Variants in LDB3 observed in about 807,000 individuals in gnomAD.
LDB3 encodes the protein LIM domain binding 3.
In LDB3, 49 loss-of-function variants were observed where a neutral mutation model predicts 69.0. The observed-to-expected ratio is 0.71, with a 90% CI of 0.56 to 0.90. The LOEUF is 0.90. Among genes scored for constraint, LDB3 ranks in the 40% least tolerant of loss-of-function variants. The pLI is 0.00. For synonymous variants in LDB3, 387 were observed against 396.2 expected (o/e 0.98, Z 0.28); for missense variants, 928 against 974.1 (o/e 0.95, Z 0.63).
At chr10:86,692,914 GC>G (rs1259254628) in intron 7 of LDB3, among the ~76,000 whole-genome samples, 2 of 152,196 alleles carry the variant, frequency 1.3e-5, no homozygotes, top group Non-Finnish European at 2.9e-5. Context: ...TGGCCAACTT[GC>G]CCACCCACTC....
At chr10:86,706,110 A>G (rs1000838838) in intron 7 of LDB3, among the ~76,000 whole-genome samples, 2 of 152,104 alleles carry the variant, frequency 1.3e-5, no homozygotes, top group Admixed American at 6.5e-5. Context: ...TTTTTGCTGT[A>G]TCATTCCTTC....
Position 86,679,380 on chromosome 10 carries a change from G to A in LDB3, c.107G>A (p.Ser36Asn). 2 of 1,614,168 alleles carry A rather than the reference G, an allele frequency of 1.2e-6. No homozygotes were observed. The highest frequency in any genetic ancestry group is 1.3e-5 in the African/African-American group (1 of 75,042). The change falls in exon 3 of 14, where the codon AGC becomes AAC. Residue 36 changes from serine to asparagine, a missense_variant. Ser to Asn is a conservative substitution (Grantham distance 46). Coordinates refer to ENST00000361373, the MANE Select transcript of LDB3 (RefSeq NM_007078.3). ...PLTISRITPGSKAAQSQLSQG... is the reference protein window; with the variant it reads ...PLTISRITPGNKAAQSQLSQG... ...CTATCCAATCAGATCACACCAGGCA[G>A]CAAGGCAGCCCAGTCCCAGCTCAGC...
rs11814947 is a variant in LDB3 at position 86,700,656 on chromosome 10, C to T, written c.897-5875C>T. 5.6e-3 allele frequency among the ~76,000 whole-genome samples: 852 copies of T among 152,280 alleles called. 14 individuals carry two copies. Among genetic ancestry groups the T allele is most frequent in the African/African-American group, 0.019 (801 of 41,558 alleles). On this transcript the variant is annotated intron_variant, in intron 7 of 13. Coordinates refer to ENST00000361373, the MANE Select transcript of LDB3 (RefSeq NM_007078.3). ...CTCCCAGCTCCCACCCACCTGTGGC[C>T]TTGTCCTAGTCCTGGGCATTTAGGA... is the stretch of plus-strand genomic sequence containing the variant.
chr10:86,667,079 C>T (rs1028488788), upstream of LDB3, among the ~76,000 whole-genome samples: 2 of 152,138 alleles, frequency 1.3e-5, no homozygotes, highest in African/African-American at 4.8e-5. Flanking sequence ...GGCTGGGCTG[C>T]ATGATATAGG....
At chr10:86,700,547 A>G (rs1846220766) in intron 7 of LDB3, among the ~76,000 whole-genome samples, 1 of 152,168 alleles carries the variant, frequency 6.6e-6, no homozygotes, top group Non-Finnish European at 1.5e-5. Context: ...GGCTCAGGGG[A>G]AAAGAGATGG....
chr10:86,685,678 G>A, intron 5 of LDB3: 1 of 1,614,142 alleles, frequency 6.2e-7, no homozygotes, highest in Non-Finnish European at 8.5e-7. Flanking sequence ...TCCTCCCCAG[G>A]TGGTAGTCAA....
At position 86,687,073 on chromosome 10, in the gene LDB3, G is replaced by A. The variant is rs121908338; in HGVS notation, c.690-4823G>A. 6,073 of 1,613,780 alleles carry A rather than the reference G, an allele frequency of 3.8e-3. 39 individuals are homozygous for A. The Middle Eastern group carries it at 0.038, about 10-fold the overall frequency. On this transcript the variant is annotated intron_variant, in intron 5 of 13. Coordinates refer to ENST00000361373, the MANE Select transcript of LDB3 (RefSeq NM_007078.3). The stretch of plus-strand genomic sequence containing the variant: ...ACTCCCGCACCCCTCCCCCAGCGCC[G>A]ACTACCAGGAACGCTTCAACCCCAG...
intron 7 of LDB3, among the ~76,000 whole-genome samples, chr10:86,704,238 G>A (rs1846362796): frequency 1.3e-5 from 2 of 152,148 alleles, no homozygotes; most frequent in African/African-American, 4.8e-5. Flanking sequence ...AGCACACATG[G>A]AAGTTTGCAA....
rs539331268 is a variant in LDB3, at chr10:86,734,240, T to G, written c.*1264T>G. 1.6e-4 allele frequency: 24 copies of G among 152,338 alleles called. No individual in the cohort carries two copies. The highest frequency in any genetic ancestry group is 5.5e-4 in the African/African-American group (23 of 41,572). 9.4% of individuals were successfully genotyped at this position (152,338 alleles called of 1,614,324 possible). A position where few individuals can be genotyped will look rare whatever the true frequency, so the allele number is the denominator to read the frequency against. The stretch of plus-strand genomic sequence containing the variant: ...TTTGAAAATGTATGAGCTGAGTTGA[T>G]CTAGCTATTATTTAAGTATTTATTG... On this transcript the variant is annotated 3_prime_UTR_variant, in exon 14 of 14. Coordinates refer to ENST00000361373, the MANE Select transcript of LDB3 (RefSeq NM_007078.3).
At chr10:86,706,916 G>A (rs746389680) in intron 8 of LDB3, among the ~76,000 whole-genome samples, 197 bp downstream of exon 8, 3 of 152,274 alleles carry the variant, frequency 2.0e-5, no homozygotes, top group South Asian at 2.1e-4. Context: ...CCACTGTGGC[G>A]GGGACTGTCA....
At chr10:86,704,687 C>T (rs1846381174) in intron 7 of LDB3, among the ~76,000 whole-genome samples, 1 of 151,144 alleles carries the variant, frequency 6.6e-6, no homozygotes, top group Non-Finnish European at 1.5e-5. Flanking sequence ...TCACGCCATT[C>T]TCCCGCCTCA....
intron 4 of LDB3, among the ~76,000 whole-genome samples, chr10:86,680,488 G>C (rs927737093): frequency 6.6e-6 from 1 of 152,228 alleles, no homozygotes; most frequent in Non-Finnish European, 1.5e-5. Context: ...GGCAGGGGAC[G>C]AGCGTCCAGG....
chr10:86,702,035 T>C (rs1467283427), intron 7 of LDB3, among the ~76,000 whole-genome samples: 1 of 152,082 alleles, frequency 6.6e-6, no homozygotes, highest in African/African-American at 2.4e-5. Flanking sequence ...TGGGGCAAAG[T>C]GATGCAGCTC....
chr10:86,699,384 T>C lies in LDB3; in HGVS notation c.896+6813T>C, dbSNP rs761973186. The C allele has an allele frequency of 6.2e-7, 1 of 1,613,592 alleles. No homozygotes were observed. Among genetic ancestry groups the C allele is most frequent in the African/African-American group, 1.3e-5 (1 of 74,986 alleles). ...TAATGTTAAAAGCTAAAAGGCTGCC[T>C]GGAATCCCCCCACCCCAACAGGCTG... On this transcript the variant is annotated intron_variant, in intron 7 of 13. Transcript: ENST00000361373. The surrounding 1 kb of genome is among the most constrained non-coding windows in gnomAD (Gnocchi z 4.9).
At chr10:86,731,935 A>G (rs1847473977) in intron 13 of LDB3, among the ~76,000 whole-genome samples, 1 of 149,394 alleles carries the variant, frequency 6.7e-6, no homozygotes, top group Admixed American at 6.6e-5. Context: ...CTAGATTAAT[A>G]TGTGTCTAGT....
At chr10:86,688,562 CCTAAT>C (rs775402775) in intron 5 of LDB3, among the ~76,000 whole-genome samples, 1 of 152,146 alleles carries the variant, frequency 6.6e-6, no homozygotes, top group Non-Finnish European at 1.5e-5. Flanking sequence ...CTGCTCTTCG[CCTAAT>C]TCTGGGCAAG....
At chr10:86,712,062 G>A (rs1846689546) in intron 9 of LDB3, among the ~76,000 whole-genome samples, 1 of 152,162 alleles carries the variant, frequency 6.6e-6, no homozygotes, top group Non-Finnish European at 1.5e-5. Context: ...GTGACGGCGA[G>A]CCAGGCTGAA....
intron 5 of LDB3, among the ~76,000 whole-genome samples, chr10:86,687,841 G>A (rs1398545465): frequency 6.6e-5 from 10 of 152,210 alleles, no homozygotes; most frequent in Admixed American, 4.6e-4. Flanking sequence ...CTTGGTTCCT[G>A]GAATTCACCC....
chr10:86,695,134 C>T (rs1845942914), intron 7 of LDB3, among the ~76,000 whole-genome samples: 1 of 38,702 alleles, frequency 2.6e-5, no homozygotes, highest in Non-Finnish European at 6.7e-5. Context: ...AAGGTGCTTT[C>T]TCCTTCCTGG....
Sources: allele counts gnomAD v4.1 joint callset (sites outside exome capture counted in the v4.1 genomes callset), GRCh38; gene constraint gnomAD v4.1.1; non-coding constraint Gnocchi (gnomAD v3.1); transcripts MANE v1.5; gene names NCBI Gene and HGNC (gene_info 2026-07-23, HGNC 2026-07-21).